Variants in SCD5 observed in about 807,000 individuals in gnomAD.
SCD5 encodes acyl-CoA-desaturase 4.
Under a neutral mutation model 30.4 loss-of-function variants are expected in SCD5, and 20 were observed. The ratio of observed to expected loss-of-function variants is 0.66; its 90% CI spans 0.46 to 0.96. The LOEUF (loss-of-function observed/expected upper bound fraction) is 0.96. Ranked by LOEUF, SCD5 falls within the 40% of genes least tolerant of loss-of-function variation. The pLI, the probability that SCD5 is intolerant of heterozygous loss-of-function variation, is 0.00. For synonymous variants in SCD5, 173 were observed against 176.4 expected (o/e 0.98, Z 0.16); for missense variants, 381 against 443.3 (o/e 0.86, Z 1.26).
chr4:82,694,668 G>GA (rs573695676), intron 2 of SCD5, among the ~76,000 whole-genome samples: 12 of 149,936 alleles, frequency 8.0e-5, no homozygotes, highest in Admixed American at 4.0e-4. Context: ...TGCAGATCCA[G>GA]AAAAAAAAAG....
At position 82,705,264 on chromosome 4, in the gene SCD5, G is replaced by C; in HGVS notation, c.363+19C>G. 6.2e-7 allele frequency: 1 copy of C among 1,613,798 alleles called. No homozygotes were observed. The highest frequency in any genetic ancestry group is 8.5e-7 in the Non-Finnish European group (1 of 1,179,774). On this transcript the variant is annotated intron_variant, in intron 2 of 4. Coordinates refer to ENST00000319540, the MANE Select transcript of SCD5 (RefSeq NM_001037582.3). ...TCTGCACTGGGTCTCCCAACACAGA[G>C]AGGACCCTCCATCCTCACCTGGAAA...
At chr4:82,735,728 G>A (rs750497983) in intron 1 of SCD5, among the ~76,000 whole-genome samples, 9 of 152,144 alleles carry the variant, frequency 5.9e-5, no homozygotes, top group African/African-American at 1.9e-4. Context: ...TTTTATTACC[G>A]AAATGCATGT....
At chr4:82,681,731 C>G (rs752701854) in intron 2 of SCD5, among the ~76,000 whole-genome samples, 2 of 152,038 alleles carry the variant, frequency 1.3e-5, no homozygotes, top group Non-Finnish European at 2.9e-5. Context: ...CCCCATGACA[C>G]GTTTACCTAC....
At position 82,672,497 on chromosome 4, in the gene SCD5, A is replaced by T. The variant is rs151185258; in HGVS notation, c.569+8210T>A. Reference sequence around the variant, plus strand: ...GGCACAATCTACCAAAACAAGAAAAAATAGACAATCTAAATAGGCCTATAT... The same window carrying T: ...GGCACAATCTACCAAAACAAGAAAATATAGACAATCTAAATAGGCCTATAT... On this transcript the variant is annotated intron_variant, in intron 3 of 4. Coordinates refer to ENST00000319540, the MANE Select transcript of SCD5 (RefSeq NM_001037582.3). 3.4e-3 allele frequency among the ~76,000 whole-genome samples: 519 copies of T among 152,222 alleles called. 7 individuals are homozygous for T. Among genetic ancestry groups the T allele is most frequent in the African/African-American group, 0.012 (494 of 41,552 alleles).
rs939586358 is a variant in SCD5, at chr4:82,655,259, T to C, written c.570-18436A>G. Among the ~76,000 whole-genome samples, 14 of 152,352 alleles carry C rather than the reference T, an allele frequency of 9.2e-5. No homozygotes were observed. In the East Asian group the frequency reaches 1.2e-3, roughly 13 times the overall value. On this transcript the variant is annotated intron_variant, in intron 3 of 4. Transcript: ENST00000319540. Reference sequence around the variant, plus strand: ...TTTGTATCTTCCATACCCCTCATTATGGAAATACCTCTACTTATAAATTTT... The same window carrying C: ...TTTGTATCTTCCATACCCCTCATTACGGAAATACCTCTACTTATAAATTTT...
At chr4:82,791,765 T>C (rs1053985938) in intron 1 of SCD5, among the ~76,000 whole-genome samples, 1 of 149,770 alleles carries the variant, frequency 6.7e-6, no homozygotes, top group African/African-American at 2.4e-5. Context: ...AAATGTTCAA[T>C]GAAAAAAAAA....
At chr4:82,759,648 T>TAA (rs70938309) in intron 1 of SCD5, among the ~76,000 whole-genome samples, 1,570 of 125,532 alleles carry the variant, frequency 0.013, 35 homozygotes, top group Middle Eastern at 0.05. Context: ...AACCCCGTCT[T>TAA]AAAAAAAAAA....
intron 1 of SCD5, among the ~76,000 whole-genome samples, chr4:82,720,441 T>TACAAAAAAAAAAAAAAAAAAAAAAA (rs778480466): frequency 2.8e-4 from 22 of 77,886 alleles, no homozygotes; most frequent in African/African-American, 5.3e-4. Context: ...AAGGCAAAAA[T>TACAAAAAAAAAAAAAAAAAAAAAAA]AAAAAAAAAA....
At chr4:82,665,071 TATATA>T (rs1316551016) in intron 3 of SCD5, among the ~76,000 whole-genome samples, 1 of 14,590 alleles carries the variant, frequency 6.9e-5, no homozygotes, top group Non-Finnish European at 1.1e-4. Context: ...CATATATATA[TATATA>T]TTTTTTTTTT....
At chr4:82,656,247 A>G (rs1190246268) in intron 3 of SCD5, among the ~76,000 whole-genome samples, 3 of 151,950 alleles carry the variant, frequency 2.0e-5, no homozygotes, top group Non-Finnish European at 4.4e-5. Context: ...TCCCTCCCTT[A>G]GCATCCCCCC....
intron 1 of SCD5, among the ~76,000 whole-genome samples, chr4:82,720,441 T>TACAAAAAAGAAAAAAA: frequency 1.3e-5 from 1 of 77,940 alleles, no homozygotes; most frequent in African/African-American, 5.3e-5. Context: ...AAGGCAAAAA[T>TACAAAAAAGAAAAAAA]AAAAAAAAAA....
intron 1 of SCD5, among the ~76,000 whole-genome samples, chr4:82,722,650 C>T (rs190138637): frequency 1.9e-5 from 2 of 107,122 alleles, no homozygotes; most frequent in African/African-American, 9.4e-5. Context: ...CCTCTAATCC[C>T]AGCTACTGAG....
intron 1 of SCD5, among the ~76,000 whole-genome samples, chr4:82,743,534 A>T (rs1038958803): frequency 2.0e-4 from 30 of 152,006 alleles, no homozygotes; most frequent in South Asian, 6.2e-4. Flanking sequence ...ATATATATAT[A>T]TTTTTTAATT....
chr4:82,710,092 T>C (rs1395461689), intron 1 of SCD5, among the ~76,000 whole-genome samples: 1 of 152,168 alleles, frequency 6.6e-6, no homozygotes, highest in Non-Finnish European at 1.5e-5. Context: ...GCAGTGGTTC[T>C]CCACCCTGGC....
intron 3 of SCD5, among the ~76,000 whole-genome samples, chr4:82,670,308 A>T (rs1728282344): frequency 6.6e-6 from 1 of 152,196 alleles, no homozygotes; most frequent in African/African-American, 2.4e-5. Flanking sequence ...AAGCAGAGAG[A>T]TGAAAATCCT....
In SCD5 at chr4:82,798,371, A is replaced by G. The variant is rs757306455; in HGVS notation, c.167T>C (p.Leu56Pro). 1 of 1,613,306 alleles carries G rather than the reference A, an allele frequency of 6.2e-7. No homozygotes were observed. The highest frequency in any genetic ancestry group is 8.5e-7 in the Non-Finnish European group (1 of 1,179,582). Residue 56 changes from leucine to proline, a missense_variant, in exon 1 of 5, where the codon CTC (leucine) becomes CCC (proline). By Grantham distance (98) the Leu-to-Pro change is moderately conservative (BLOSUM62 -3). Coordinates refer to ENST00000319540, the MANE Select transcript of SCD5 (RefSeq NM_001037582.3). ...CAGGGAGTACACGGCCCCCAAGTGG[A>G]GCAAGCTCATCAGGACGACATTCCT... ...VWRNVVLMSL[L>P]HLGAVYSLVL... is the part of the protein sequence containing the mutation.
chr4:82,785,119 A>AC, intron 1 of SCD5, among the ~76,000 whole-genome samples: 2 of 151,906 alleles, frequency 1.3e-5, no homozygotes, highest in South Asian at 4.2e-4. Context: ...TTCGCTCACC[A>AC]CCCCCCATCC....
At chr4:82,713,765 T>G (rs1319947494) in intron 1 of SCD5, among the ~76,000 whole-genome samples, 2 of 152,186 alleles carry the variant, frequency 1.3e-5, no homozygotes, top group Non-Finnish European at 2.9e-5. Context: ...GCTTTACTAT[T>G]ACCCAGCAAC....
intron 2 of SCD5, among the ~76,000 whole-genome samples, chr4:82,702,562 C>T (rs551655799): frequency 3.3e-5 from 5 of 152,252 alleles, no homozygotes; most frequent in South Asian, 2.1e-4. Context: ...TAAGTCTCAA[C>T]GTTAAGAATA....
Sources: gnomAD v4.1 joint callset for allele counts (sites outside exome capture counted in the v4.1 genomes callset) on GRCh38, gnomAD v4.1.1 for gene constraint, MANE v1.5 for transcripts, NCBI Gene and HGNC (gene_info 2026-07-23, HGNC 2026-07-21) for gene names.